The following MED13L variants were observed in gnomAD, a reference collection of about 807,000 sequenced individuals.
The protein encoded by MED13L is mediator of RNA polymerase II transcription subunit 13-like.
Under a neutral mutation model 220.9 loss-of-function variants are expected in MED13L, and 7 were observed. That is an observed-to-expected ratio of 0.03 (90% CI 0.02 to 0.06). The LOEUF is 0.06. MED13L is among the 10% of genes least tolerant of loss of function. The pLI, the probability that MED13L is intolerant of heterozygous loss-of-function variation, is 1.00. For synonymous variants in MED13L, 1,011 were observed against 1,015.2 expected, an observed-to-expected ratio of 1.00 and a Z score of 0.08; for missense variants, 1,965 against 2,760.5, an observed-to-expected ratio of 0.71 and a Z score of 6.46.
chr12:116,020,047 G>C, intron 5 of MED13L, 75 bp from the exon 6 acceptor site: 1 of 1,298,004 alleles, frequency 7.7e-7, no homozygotes, highest in Non-Finnish European at 1.1e-6. Flanking sequence ...TACATATGTG[G>C]TAATTTTAGG....
At chr12:116,239,044 G>A (rs566306934) in intron 1 of MED13L, among the ~76,000 whole-genome samples, 5 of 152,114 alleles carry the variant, frequency 3.3e-5, no homozygotes, top group Admixed American at 2.0e-4. Flanking sequence ...GCAGTGAGCC[G>A]AGATCGTGCC....
intron 16 of MED13L, 148 bp from the exon 17 acceptor site, chr12:115,992,105 A>T (rs1057034502): frequency 1.7e-5 from 4 of 230,354 alleles, no homozygotes; most frequent in Admixed American, 1.1e-4. Context: ...ATTTTCTCTT[A>T]AAAAAAAAAA....
chr12:116,107,178 A>G (rs1294765428), intron 3 of MED13L, among the ~76,000 whole-genome samples: 1 of 152,188 alleles, frequency 6.6e-6, no homozygotes, highest in Non-Finnish European at 1.5e-5. Flanking sequence ...AAGGACTTAA[A>G]CAAACACGTA....
intron 2 of MED13L, chr12:116,230,451 T>C: frequency 2.0e-6 from 2 of 980,666 alleles, no homozygotes; most frequent in Non-Finnish European, 2.4e-6. Context: ...TGCACTGTGA[T>C]ACCAATCTAA....
intron 2 of MED13L, among the ~76,000 whole-genome samples, chr12:116,214,643 T>C (rs1377337544): frequency 2.6e-5 from 4 of 152,160 alleles, no homozygotes; most frequent in Admixed American, 6.5e-5. Flanking sequence ...TAGCTTTTTT[T>C]CTCTTGATCT....
At chr12:116,201,679 AGGAGCACGTGTAT>A (rs1181334186) in intron 2 of MED13L, among the ~76,000 whole-genome samples, 1 of 152,208 alleles carries the variant, frequency 6.6e-6, no homozygotes, top group East Asian at 1.9e-4. Flanking sequence ...ACAGAGTTTT[AGGAGCACGTGTAT>A]GGGTGCTTTT....
At chr12:116,146,335 T>C (rs911145633) in intron 2 of MED13L, among the ~76,000 whole-genome samples, 1 of 152,144 alleles carries the variant, frequency 6.6e-6, no homozygotes, top group South Asian at 2.1e-4. Flanking sequence ...TTGGCCAAGA[T>C]GGTCTCGATC....
chr12:116,196,512 T>A (rs1276213529), intron 2 of MED13L, among the ~76,000 whole-genome samples: 2 of 152,206 alleles, frequency 1.3e-5, no homozygotes, highest in South Asian at 2.1e-4. Context: ...ACGGTGGCAA[T>A]AAAACTTGTG....
At chr12:116,171,178 T>C (rs929948020) in intron 2 of MED13L, among the ~76,000 whole-genome samples, 13 of 152,238 alleles carry the variant, frequency 8.5e-5, no homozygotes, top group Non-Finnish European at 1.6e-4. Context: ...ACTCCCTTGA[T>C]GGTTGCAGAC....
chr12:116,241,287 C>T (rs533226480), intron 1 of MED13L, among the ~76,000 whole-genome samples: 4 of 146,608 alleles, frequency 2.7e-5, no homozygotes, highest in Non-Finnish European at 4.5e-5. Context: ...CCTGGCAACA[C>T]AATGAGGCTC....
At chr12:115,995,125 G>C in intron 16 of MED13L, among the ~76,000 whole-genome samples, 1 of 152,082 alleles carries the variant, frequency 6.6e-6, no homozygotes, top group Non-Finnish European at 1.5e-5. Context: ...ACACAAGCAG[G>C]AAGTCTTGTT....
chr12:115,964,427 C>T (rs914623144), intron 29 of MED13L, among the ~76,000 whole-genome samples: 2 of 152,174 alleles, frequency 1.3e-5, no homozygotes, highest in African/African-American at 4.8e-5. Flanking sequence ...TCAGGTGATA[C>T]CAGGACACTA....
chr12:116,169,806 T>C (rs1385123752), intron 2 of MED13L, among the ~76,000 whole-genome samples: 2 of 152,124 alleles, frequency 1.3e-5, no homozygotes, highest in African/African-American at 2.4e-5. Flanking sequence ...GGCCAGAAGT[T>C]CAAGACCAGC....
Position 115,959,509 on chromosome 12 carries a change from A to G in MED13L, c.*1757T>C, listed in dbSNP as rs2137176369. The G allele has an allele frequency of 6.5e-6, 1 of 152,734 alleles. No individual in the cohort carries two copies. The highest frequency in any genetic ancestry group is 2.4e-5 in the African/African-American group (1 of 41,578). 9.5% of individuals were successfully genotyped at this position (152,734 alleles called of 1,614,324 possible). On this transcript the variant is annotated 3_prime_UTR_variant, in exon 31 of 31. Coordinates refer to ENST00000281928, the MANE Select transcript of MED13L (RefSeq NM_015335.5). ...CAAGATAATTTTATACAAGTTTACA[A>G]TCTTCATCTTCTTATGCTCTTCAAA... is the stretch of plus-strand genomic sequence containing the variant.
intron 4 of MED13L, among the ~76,000 whole-genome samples, chr12:116,046,043 G>A (rs773221042): frequency 1.3e-5 from 2 of 152,050 alleles, no homozygotes; most frequent in Non-Finnish European, 2.9e-5. Flanking sequence ...AGCAGGCTTA[G>A]CATTTTATTT....
At chr12:116,094,234 C>T (rs1004137619) in intron 4 of MED13L, among the ~76,000 whole-genome samples, 8 of 152,130 alleles carry the variant, frequency 5.3e-5, no homozygotes, top group Non-Finnish European at 1.0e-4. Context: ...TTAAAGCAAA[C>T]GCCAATTTTT....
chr12:116,167,727 G>A (rs554200401), intron 2 of MED13L, among the ~76,000 whole-genome samples: 2 of 152,246 alleles, frequency 1.3e-5, no homozygotes, highest in Admixed American at 6.5e-5. Context: ...AGATATTCCA[G>A]TGTAGTCTTT....
intron 3 of MED13L, among the ~76,000 whole-genome samples, chr12:116,104,074 G>A (rs970803438): frequency 7.1e-6 from 1 of 141,320 alleles, no homozygotes; most frequent in South Asian, 2.2e-4. Flanking sequence ...GCAATGGCAC[G>A]GTCTTGGCTC....
chr12:115,999,026 A>G (rs1414361554), intron 14 of MED13L, among the ~76,000 whole-genome samples: 2 of 152,000 alleles, frequency 1.3e-5, no homozygotes, highest in African/African-American at 2.4e-5. Flanking sequence ...TAACCGATAC[A>G]CTCTGAGGTG....
Sources: gnomAD v4.1 joint callset for allele counts (sites outside exome capture counted in the v4.1 genomes callset) on GRCh38, gnomAD v4.1.1 for gene constraint, MANE v1.5 for transcripts, NCBI Gene and HGNC (gene_info 2026-07-23, HGNC 2026-07-21) for gene names.